The following SCAF11 variants were observed in gnomAD, a reference collection of about 807,000 sequenced individuals.
The protein encoded by SCAF11 is SR-related CTD associated factor 11.
Under a neutral mutation model 140.5 loss-of-function variants are expected in SCAF11, and 47 were observed. That is an observed-to-expected ratio of 0.33 (90% CI 0.26 to 0.43). The LOEUF (loss-of-function observed/expected upper bound fraction) is 0.43. Among genes scored for constraint, SCAF11 ranks in the 20% least tolerant of loss-of-function variants. SCAF11 has a pLI of 1.00. For missense variants in SCAF11, 1,645 were observed against 1,705.1 expected (o/e 0.96, Z 0.62); for synonymous variants, 557 against 579.4 (o/e 0.96, Z 0.55).
chr12:45,991,689 G>T (rs1415898886), upstream of SCAF11, among the ~76,000 whole-genome samples: 2 of 152,192 alleles, frequency 1.3e-5, no homozygotes, highest in Non-Finnish European at 2.9e-5. Flanking sequence ...TACCTCGGAG[G>T]TATTTTGACT....
intron 3 of SCAF11, chr12:45,955,921 A>G: frequency 1.8e-6 from 1 of 565,424 alleles, no homozygotes; most frequent in East Asian, 3.1e-5. Context: ...TATTAAACAG[A>G]GCATATGTTT....
chr12:45,972,930 A>ATG (rs1946127640), intron 1 of SCAF11, among the ~76,000 whole-genome samples: 1 of 71,050 alleles, frequency 1.4e-5, no homozygotes, highest in Non-Finnish European at 2.7e-5. Context: ...AGATATATAG[A>ATG]TATATATAGA....
intron 11 of SCAF11, among the ~76,000 whole-genome samples, chr12:45,925,370 T>C (rs1944833814): frequency 6.6e-6 from 1 of 152,070 alleles, no homozygotes; most frequent in South Asian, 2.1e-4. Context: ...CTGGCCAACA[T>C]GGTGAAACCC....
intron 1 of SCAF11, among the ~76,000 whole-genome samples, chr12:45,984,615 T>A (rs2136670500): frequency 6.6e-6 from 1 of 152,358 alleles, no homozygotes; most frequent in East Asian, 1.9e-4. Flanking sequence ...TATTTATTTA[T>A]TCCGAGATTA....
intron 2 of SCAF11, 67 bp from the exon 3 acceptor site, chr12:45,961,924 G>A: frequency 2.2e-6 from 3 of 1,352,386 alleles, no homozygotes; most frequent in Non-Finnish European, 3.0e-6. Flanking sequence ...GTTTCTAGGA[G>A]TATAGTGGAT....
intron 1 of SCAF11, 53 bp from the exon 2 acceptor site, chr12:45,964,241 T>C (rs1180147095): frequency 1.2e-6 from 1 of 824,888 alleles, no homozygotes. Context: ...CCCAATAATA[T>C]CAATTAAAAA....
Position 45,928,455 on chromosome 12 carries a change from A to T in SCAF11, c.1246T>A (p.Ser416Thr), listed in dbSNP as rs1944955196. 3 of 1,612,666 alleles carry T rather than the reference A, an allele frequency of 1.9e-6. No individual in the cohort carries two copies. In the South Asian group the frequency reaches 3.3e-5, roughly 18 times the overall value. ...TGGTGCTCTTTTTCTAACACAGGTG[A>T]TGTGTCAGATTCTGCTGTTTCTTCA... Reference protein sequence around the residue: ...VDEETAESDTSPVLEKEHQPD... With the variant: ...VDEETAESDTTPVLEKEHQPD... Residue 416 changes from serine to threonine, a missense_variant, in exon 11 of 15, where the codon TCA (serine) becomes ACA (threonine). By Grantham distance (58) the Ser-to-Thr change is moderately conservative. Coordinates refer to ENST00000369367, the MANE Select transcript of SCAF11 (RefSeq NM_004719.3).
chr12:45,981,882 TAA>T (rs1946359303), intron 1 of SCAF11, among the ~76,000 whole-genome samples: 1 of 152,088 alleles, frequency 6.6e-6, no homozygotes, highest in African/African-American at 2.4e-5. Context: ...GCACACCAAT[TAA>T]AAGAGATTAT....
At chr12:45,961,558 G>A (rs757730071) in intron 3 of SCAF11, 142 bp downstream of exon 3, 2 of 690,304 alleles carry the variant, frequency 2.9e-6, no homozygotes, top group Non-Finnish European at 4.6e-6. Context: ...ATGACTGACA[G>A]AATTTGAATA....
At chr12:45,962,972 T>C (rs1275416661) in intron 2 of SCAF11, among the ~76,000 whole-genome samples, 1 of 152,216 alleles carries the variant, frequency 6.6e-6, no homozygotes, top group Non-Finnish European at 1.5e-5. Context: ...AGAAATCCAC[T>C]AACTTCAAAT....
chr12:45,990,031 C>A (rs1214412801), intron 1 of SCAF11, among the ~76,000 whole-genome samples: 1 of 150,602 alleles, frequency 6.6e-6, no homozygotes, highest in Admixed American at 6.6e-5. Context: ...CCAGCTAAGG[C>A]GGCGGGAGAC....
At chr12:45,936,463 T>C (rs972594786) in intron 6 of SCAF11, among the ~76,000 whole-genome samples, 1 of 152,134 alleles carries the variant, frequency 6.6e-6, no homozygotes, top group African/African-American at 2.4e-5. Flanking sequence ...GGTATTTTCC[T>C]AGGGTTAATA....
chr12:45,958,861 A>T (rs1565680590), intron 3 of SCAF11, among the ~76,000 whole-genome samples: 1 of 152,204 alleles, frequency 6.6e-6, no homozygotes. Context: ...TTAGAGCTTG[A>T]AAAGACTGAA....
rs1272321485 is a variant in SCAF11 at position 45,972,881 on chromosome 12, GATAT to G, written c.-21-8697_-21-8694del. On this transcript the variant is annotated intron_variant, in intron 1 of 14. Transcript: ENST00000369367. ...ATATATATCGATATATATATATATA[GATAT>G]ATATATAGATATATATATATATAGA... 1.2e-3 allele frequency among the ~76,000 whole-genome samples: 23 copies of G among 18,954 alleles called. 1 individual carries two copies. Among genetic ancestry groups the G allele is most frequent in the Middle Eastern group, 0.083 (2 of 24 alleles). The allele number at this position is 18,954 out of a possible 152,430, so 12.4% of individuals were successfully genotyped here. A position where few individuals can be genotyped will look rare whatever the true frequency, so the allele number is the denominator to read the frequency against.
chr12:45,986,758 A>G (rs1240720079), intron 1 of SCAF11, among the ~76,000 whole-genome samples: 2 of 152,154 alleles, frequency 1.3e-5, no homozygotes, highest in Non-Finnish European at 2.9e-5. Context: ...TTCTCATGGT[A>G]GTGAACAAGT....
chr12:45,946,085 T>G (rs1256103443), intron 5 of SCAF11, among the ~76,000 whole-genome samples: 2 of 152,170 alleles, frequency 1.3e-5, no homozygotes, highest in Non-Finnish European at 2.9e-5. Context: ...TTGTCTTTTT[T>G]AAAAGGACCA....
chr12:45,936,002 T>C (rs1473790099), intron 6 of SCAF11, among the ~76,000 whole-genome samples: 1 of 152,172 alleles, frequency 6.6e-6, no homozygotes, highest in Admixed American at 6.5e-5. Context: ...AAACAGTACT[T>C]CCAAACTTAT....
upstream of SCAF11, chr12:45,991,912 G>C (rs1200274652): frequency 7.8e-7 from 1 of 1,287,030 alleles, no homozygotes; most frequent in Non-Finnish European, 1.0e-6. Context: ...TCAGCCGCGC[G>C]CTCACACGTT....
intron 1 of SCAF11, among the ~76,000 whole-genome samples, chr12:45,973,013 G>GATAT (rs1349692910): frequency 4.4e-5 from 6 of 135,154 alleles, no homozygotes; most frequent in African/African-American, 1.7e-4. Flanking sequence ...TATATATATA[G>GATAT]ATATATAGAT....
Sources: allele counts gnomAD v4.1 joint callset (sites outside exome capture counted in the v4.1 genomes callset), GRCh38; gene constraint gnomAD v4.1.1; transcripts MANE v1.5; gene names NCBI Gene and HGNC (gene_info 2026-07-23, HGNC 2026-07-21).